TUT7: variants seen among roughly 807,000 people sequenced by gnomAD.
TUT7 encodes terminal uridylyl transferase 7.
TUT7 carries 33 observed loss-of-function variants against 165.9 expected under a neutral mutation model. The observed-to-expected ratio is 0.20, with a 90% CI of 0.15 to 0.27. The LOEUF is 0.27. TUT7 is among the 10% of genes least tolerant of loss of function. The pLI, the probability that TUT7 is intolerant of heterozygous loss-of-function variation, is 1.00. For synonymous variants in TUT7, 552 were observed against 608.1 expected (o/e 0.91, Z 1.36); for missense variants, 1,338 against 1,762.3 (o/e 0.76, Z 4.31).
At chr9:86,308,189 G>A (rs904784539) in intron 22 of TUT7, among the ~76,000 whole-genome samples, 12 of 152,100 alleles carry the variant, frequency 7.9e-5, no homozygotes, top group Non-Finnish European at 1.2e-4. Context: ...TATCACTACT[G>A]CTGCCTTATC....
intron 24 of TUT7, among the ~76,000 whole-genome samples, chr9:86,303,771 A>C (rs970164102): frequency 5.9e-5 from 9 of 152,222 alleles, no homozygotes; most frequent in Admixed American, 1.3e-4. Context: ...CTGGAAAAGC[A>C]GTCTTGAGCC....
intron 11 of TUT7, 68 bp from the exon 12 acceptor site, chr9:86,325,582 A>G: frequency 6.9e-7 from 1 of 1,441,146 alleles, no homozygotes; most frequent in Non-Finnish European, 9.4e-7. Flanking sequence ...ATTAAAGATC[A>G]TTTAAGCATC....
Position 86,311,731 on chromosome 9 carries a change from T to C in TUT7, c.3275-922A>G, listed in dbSNP as rs1312199620. Among the ~76,000 whole-genome samples, 1 of 152,180 alleles carries C rather than the reference T, an allele frequency of 6.6e-6. No homozygotes were observed. Among genetic ancestry groups the C allele is most frequent in the Non-Finnish European group, 1.5e-5 (1 of 68,036 alleles). Reference sequence around the variant, plus strand: ...CTGCAACCTCCCTGCCTGATTCTCCTGCCTCAGCCTGCCGAGTGCCTGCGA... The same window carrying C: ...CTGCAACCTCCCTGCCTGATTCTCCCGCCTCAGCCTGCCGAGTGCCTGCGA... On this transcript the variant is annotated intron_variant, in intron 17 of 26. Coordinates refer to ENST00000375963, the MANE Select transcript of TUT7 (RefSeq NM_024617.4). The surrounding 1 kb of genome is among the most constrained non-coding windows in gnomAD (Gnocchi z 4.4).
chr9:86,322,849 A>G lies in TUT7; in HGVS notation c.2877+24T>C, dbSNP rs1376625063. The G allele has an allele frequency of 3.9e-6, 6 of 1,545,008 alleles. No individual in the cohort carries two copies. In the African/African-American group the frequency reaches 4.2e-5, roughly 11 times the overall value. ...AAAGTCCTTAAAGTCTCCTAGTTCT[A>G]TGACTAGTGGTGGTACTGATTACCT... On this transcript the variant is annotated intron_variant, in intron 13 of 26. Coordinates refer to ENST00000375963, the MANE Select transcript of TUT7 (RefSeq NM_024617.4).
intron 21 of TUT7, 119 bp from the exon 22 acceptor site, chr9:86,308,725 G>T: frequency 2.6e-6 from 2 of 775,344 alleles, no homozygotes; most frequent in Non-Finnish European, 3.9e-6. Context: ...GCTCAATTAT[G>T]CAACTTTTCT....
At chr9:86,304,614 A>G (rs988227765) in intron 24 of TUT7, among the ~76,000 whole-genome samples, 5 of 152,122 alleles carry the variant, frequency 3.3e-5, no homozygotes, top group Non-Finnish European at 7.4e-5. Context: ...AAAAGGCATC[A>G]AAGAGGAAAA....
In TUT7 at chr9:86,311,589, T is replaced by TCCCTCGC. The variant is rs1828059221; in HGVS notation, c.3275-781_3275-780insGCGAGGG. On this transcript the variant is annotated intron_variant, in intron 17 of 26. Coordinates refer to ENST00000375963, the MANE Select transcript of TUT7 (RefSeq NM_024617.4). The surrounding 1 kb of genome is among the most constrained non-coding windows in gnomAD (Gnocchi z 4.4). ...TCCTCTCCCTCTCCCTCTCCCCTCT[T>TCCCTCGC]CCCTCTCCCCTCTCCCCACGGTCTC... Among the ~76,000 whole-genome samples the TCCCTCGC allele has an allele frequency of 6.7e-6, 1 of 149,974 alleles. No homozygotes were observed. The highest frequency in any genetic ancestry group is 1.5e-5 in the Non-Finnish European group (1 of 67,534).
intron 10 of TUT7, among the ~76,000 whole-genome samples, chr9:86,334,042 T>C (rs1830553413): frequency 6.6e-6 from 1 of 152,152 alleles, no homozygotes; most frequent in Non-Finnish European, 1.5e-5. Context: ...TCTCAGTCTT[T>C]TAGTGAGCTT....
chr9:86,331,010 A>G (rs1228109140), intron 10 of TUT7, among the ~76,000 whole-genome samples: 1 of 151,976 alleles, frequency 6.6e-6, no homozygotes, highest in Non-Finnish European at 1.5e-5. Flanking sequence ...CCTCCTGAGT[A>G]GCTGGGACTA....
intron 6 of TUT7, among the ~76,000 whole-genome samples, chr9:86,342,640 T>G (rs1256028929): frequency 6.6e-6 from 1 of 152,202 alleles, no homozygotes; most frequent in Non-Finnish European, 1.5e-5. Context: ...AAATCCAGGC[T>G]AGGTGTGATT....
intron 26 of TUT7, among the ~76,000 whole-genome samples, chr9:86,290,374 G>A (rs923195792): frequency 6.6e-6 from 1 of 152,024 alleles, no homozygotes; most frequent in African/African-American, 2.4e-5. Flanking sequence ...TTCAAAGCAG[G>A]ACATCGAGAT....
intron 2 of TUT7, among the ~76,000 whole-genome samples, chr9:86,349,479 T>C (rs1201633243): frequency 6.6e-6 from 1 of 151,936 alleles, no homozygotes; most frequent in Non-Finnish European, 1.5e-5. Flanking sequence ...ATGTCCCAAA[T>C]ACATTAAACT....
Position 86,301,312 on chromosome 9 carries a change from T to A in TUT7, c.4384A>T (p.Ile1462Phe). The A allele has an allele frequency of 6.2e-7, 1 of 1,614,182 alleles. No individual in the cohort carries two copies. Among genetic ancestry groups the A allele is most frequent in the Non-Finnish European group, 8.5e-7 (1 of 1,180,018 alleles). ...TTAAACTGTGGGCATTCCTTTTTAA[T>A]GTGCCCTTCTCTTCCACAAATAAAA... The part of the protein sequence containing the change: ...RCFICGREGH[I>F]KKECPQFKGS... The change falls in exon 26 of 27, where the codon ATT (isoleucine) becomes TTT (phenylalanine). Residue 1462 changes from isoleucine (I) to phenylalanine (F), a missense_variant. Physicochemically the swap from Ile to Phe is conservative, Grantham distance 21 (BLOSUM62 0). Coordinates refer to ENST00000375963, the MANE Select transcript of TUT7 (RefSeq NM_024617.4).
chr9:86,311,909 C>T lies in TUT7; in HGVS notation c.3275-1100G>A, dbSNP rs997587283. Among the ~76,000 whole-genome samples, 13 of 152,292 alleles carry T rather than the reference C, an allele frequency of 8.5e-5. No individual in the cohort carries two copies. The highest frequency in any genetic ancestry group is 2.6e-4 in the African/African-American group (11 of 41,546). ...GGTGCCGGGATTGCAGACGGAGTCT[C>T]GTTCACTCAGTGCTCAATGGTGCCC... On this transcript the variant is annotated intron_variant, in intron 17 of 26. Coordinates refer to ENST00000375963, the MANE Select transcript of TUT7 (RefSeq NM_024617.4). The surrounding 1 kb of genome is among the most constrained non-coding windows in gnomAD (Gnocchi z 4.4).
intron 24 of TUT7, among the ~76,000 whole-genome samples, chr9:86,303,625 T>A (rs1055736663): frequency 2.0e-5 from 3 of 152,206 alleles, no homozygotes; most frequent in African/African-American, 7.2e-5. Flanking sequence ...AAAAAAACTA[T>A]GTGTTTCTAC....
At chr9:86,312,005 C>CA (rs1828140174) in intron 17 of TUT7, among the ~76,000 whole-genome samples, 1 of 152,200 alleles carries the variant, frequency 6.6e-6, no homozygotes, top group African/African-American at 2.4e-5. Context: ...CTTGGCCTCC[C>CA]AAAGTGCTGA....
chr9:86,345,535 T>G (rs1176410777), intron 4 of TUT7, 134 bp downstream of exon 4: 1 of 683,866 alleles, frequency 1.5e-6, no homozygotes, highest in African/African-American at 1.8e-5. Context: ...ATTATGTATT[T>G]TGGCTCAAAT....
At position 86,309,918 on chromosome 9, in the gene TUT7, G is replaced by A. The variant is rs539694936; in HGVS notation, c.3468+10C>T. The A allele has an allele frequency of 1.2e-6, 2 of 1,606,960 alleles. No individual in the cohort carries two copies. The highest frequency in any genetic ancestry group is 1.7e-5 in the Admixed American group (1 of 59,350). ...ATTTCCTGATAAGTCACAATAGGAA[G>A]CATACTCACCTTTGTAAATACTTTC... On this transcript the variant is annotated intron_variant, in intron 19 of 26. Transcript: ENST00000375963.
chr9:86,345,807 T>G (rs1439198890), intron 3 of TUT7, 22 bp from the exon 4 acceptor site: 2 of 1,513,532 alleles, frequency 1.3e-6, no homozygotes, highest in Non-Finnish European at 1.8e-6. Context: ...AGAGATTTAT[T>G]TAGAGAGAGA....
Sources: allele counts gnomAD v4.1 joint callset (sites outside exome capture counted in the v4.1 genomes callset), GRCh38; gene constraint gnomAD v4.1.1; non-coding constraint Gnocchi (gnomAD v3.1); transcripts MANE v1.5; gene names NCBI Gene and HGNC (gene_info 2026-07-23, HGNC 2026-07-21).